The following CACNA2D1 variants were observed in gnomAD, a reference collection of about 807,000 sequenced individuals.
CACNA2D1 encodes voltage-dependent calcium channel subunit alpha-2/delta-1.
CACNA2D1 carries 53 observed loss-of-function variants against 171.5 expected under a neutral mutation model. The observed-to-expected ratio is 0.31, with a 90% CI of 0.25 to 0.39. The LOEUF (loss-of-function observed/expected upper bound fraction) is 0.39, where lower values mean the gene tolerates loss of function less well. Ranked by LOEUF, CACNA2D1 falls within the 10% of genes least tolerant of loss-of-function variation. The pLI is 1.00. For missense variants in CACNA2D1, 903 were observed against 1,299.8 expected (o/e 0.69, Z 4.69); for synonymous variants, 442 against 443.1 (o/e 1.00, Z 0.03).
chr7:82,222,879 C>T (rs1173695433), intron 3 of CACNA2D1, among the ~76,000 whole-genome samples: 10 of 148,974 alleles, frequency 6.7e-5, no homozygotes, highest in Admixed American at 6.7e-4. Context: ...ATATCTTTAG[C>T]TTTATTTTTT....
intron 4 of CACNA2D1, among the ~76,000 whole-genome samples, chr7:82,139,461 T>C (rs1179930503): frequency 1.3e-5 from 2 of 152,220 alleles, no homozygotes; most frequent in African/African-American, 4.8e-5. Context: ...TTGTTTCCCT[T>C]TTTTGTGTAC....
Position 81,948,783 on chromosome 7 carries a change from C to CTT in CACNA2D1, c.*1607_*1608dup. On this transcript the variant is annotated 3_prime_UTR_variant, in exon 39 of 39. Coordinates refer to ENST00000356860, the MANE Select transcript of CACNA2D1 (RefSeq NM_000722.4). ...GCCTTCAGTAAAATTATTAACTATT[C>CTT]TTAGAATTACACATTCATAGTTTTT... 1 of 151,862 alleles carries CTT rather than the reference C, an allele frequency of 6.6e-6. No homozygotes were observed. The highest frequency in any genetic ancestry group is 1.5e-5 in the Non-Finnish European group (1 of 67,858). 9.4% of individuals were successfully genotyped at this position (151,862 alleles called of 1,614,324 possible).
chr7:82,138,426 GT>G (rs1159205363), intron 4 of CACNA2D1, among the ~76,000 whole-genome samples: 2 of 101,314 alleles, frequency 2.0e-5, no homozygotes, highest in South Asian at 3.0e-4. Flanking sequence ...TATAGCATTA[GT>G]TTTGTTTTTT....
chr7:82,282,608 A>G (rs964782014), intron 3 of CACNA2D1, among the ~76,000 whole-genome samples: 3 of 151,564 alleles, frequency 2.0e-5, no homozygotes, highest in Non-Finnish European at 4.4e-5. Context: ...ATTTTCTTAT[A>G]TTTATAACTA....
At chr7:82,424,088 T>C (rs1318351889) in intron 1 of CACNA2D1, among the ~76,000 whole-genome samples, 1 of 152,176 alleles carries the variant, frequency 6.6e-6, no homozygotes, top group Non-Finnish European at 1.5e-5. Flanking sequence ...CCTACCCCTT[T>C]AGCACAGTTA....
chr7:82,411,525 C>G (rs1293660010), intron 1 of CACNA2D1, among the ~76,000 whole-genome samples: 2 of 152,008 alleles, frequency 1.3e-5, no homozygotes, highest in Non-Finnish European at 2.9e-5. Context: ...AAATAAACAG[C>G]TGATGATTCA....
chr7:82,201,270 G>C (rs575568698), intron 3 of CACNA2D1, among the ~76,000 whole-genome samples: 11 of 152,152 alleles, frequency 7.2e-5, no homozygotes, highest in Non-Finnish European at 1.3e-4. Context: ...ATGATTTAAG[G>C]AAAGAGAAGT....
chr7:82,160,096 A>G (rs749573493), intron 4 of CACNA2D1, among the ~76,000 whole-genome samples: 6 of 151,934 alleles, frequency 3.9e-5, no homozygotes, highest in Non-Finnish European at 8.8e-5. Context: ...AATCAGTTCA[A>G]TATAGGAGGA....
intron 6 of CACNA2D1, among the ~76,000 whole-genome samples, chr7:82,113,368 G>C (rs1414308953): frequency 6.6e-6 from 1 of 152,070 alleles, no homozygotes; most frequent in African/African-American, 2.4e-5. Flanking sequence ...TTATATGCTT[G>C]TCTTGTATAA....
chr7:82,031,602 A>G (rs1802709162), intron 12 of CACNA2D1, among the ~76,000 whole-genome samples: 1 of 151,954 alleles, frequency 6.6e-6, no homozygotes, highest in Non-Finnish European at 1.5e-5. Flanking sequence ...TTAATTTGAA[A>G]TTATATGTGT....
chr7:82,130,065 GTTCTTAAACTATACTT>G (rs1444691321), intron 5 of CACNA2D1, among the ~76,000 whole-genome samples: 2 of 152,194 alleles, frequency 1.3e-5, no homozygotes, highest in East Asian at 3.8e-4. Flanking sequence ...ACTATGACGT[GTTCTTAAACTATACTT>G]CAGAACATTC....
At chr7:82,398,543 G>T (rs1825984275) in intron 1 of CACNA2D1, among the ~76,000 whole-genome samples, 1 of 151,318 alleles carries the variant, frequency 6.6e-6, no homozygotes, top group Non-Finnish European at 1.5e-5. Context: ...TTCTGAGCGA[G>T]GTCTCACTAC....
chr7:82,241,031 T>C (rs2129295084), intron 3 of CACNA2D1, among the ~76,000 whole-genome samples: 1 of 152,006 alleles, frequency 6.6e-6, no homozygotes, highest in East Asian at 1.9e-4. Flanking sequence ...TATGGAAATA[T>C]TTTACGATTT....
At chr7:82,278,866 T>C (rs191004139) in intron 3 of CACNA2D1, among the ~76,000 whole-genome samples, 2 of 152,308 alleles carry the variant, frequency 1.3e-5, no homozygotes, top group East Asian at 3.9e-4. Flanking sequence ...CAAGCACATG[T>C]AAGGGTCTAC....
In CACNA2D1 at chr7:82,150,275, ACAAC is replaced by A. The variant is rs747971081; in HGVS notation, c.355-13603_355-13600del. ...ATCAAATTAAAAAAAAAAAACAAAA[ACAAC>A]AACAAAAAAAAACACCCTAGTAGCT... is the stretch of plus-strand genomic sequence containing the variant. On this transcript the variant is annotated intron_variant, in intron 4 of 38. Transcript: ENST00000356860. 3.0e-3 allele frequency among the ~76,000 whole-genome samples: 192 copies of A among 64,006 alleles called. 17 individuals are homozygous for A. Among genetic ancestry groups the A allele is most frequent in the African/African-American group, 5.0e-3 (68 of 13,730 alleles). 42.0% of individuals were successfully genotyped at this position (64,006 alleles called of 152,430 possible).
chr7:82,267,658 A>G (rs963339937), intron 3 of CACNA2D1, among the ~76,000 whole-genome samples: 11 of 152,128 alleles, frequency 7.2e-5, no homozygotes, highest in African/African-American at 2.7e-4. Context: ...AAACATGATT[A>G]TCTTACTGAA....
rs565730536 is a variant in CACNA2D1, at chr7:82,236,633, G to T, written c.295-66024C>A. Among the ~76,000 whole-genome samples the T allele has an allele frequency of 8.7e-4, 133 of 152,140 alleles. 2 individuals are homozygous for T. The highest frequency in any genetic ancestry group is 1.2e-4 in the Non-Finnish European group (8 of 67,922). On this transcript the variant is annotated intron_variant, in intron 3 of 38. Coordinates refer to ENST00000356860, the MANE Select transcript of CACNA2D1 (RefSeq NM_000722.4). ...ACTTAGAGTAAGCATTTTCTTCACT[G>T]ATTAATATTAGAATGGAGAATTCAA...
intron 2 of CACNA2D1, among the ~76,000 whole-genome samples, chr7:82,347,929 G>C (rs934046779): frequency 6.6e-6 from 1 of 151,828 alleles, no homozygotes; most frequent in Admixed American, 6.6e-5. Flanking sequence ...AATTCTTTTT[G>C]GTTAATGATT....
intron 3 of CACNA2D1, among the ~76,000 whole-genome samples, chr7:82,318,325 A>G (rs1815358704): frequency 6.6e-6 from 1 of 152,188 alleles, no homozygotes; most frequent in African/African-American, 2.4e-5. Context: ...CATATGCTGT[A>G]ATATCTAGAC....
Sources: allele counts gnomAD v4.1 joint callset (sites outside exome capture counted in the v4.1 genomes callset), GRCh38; gene constraint gnomAD v4.1.1; transcripts MANE v1.5; gene names NCBI Gene and HGNC (gene_info 2026-07-23, HGNC 2026-07-21).